SYCP2: variants seen among roughly 807,000 people sequenced by gnomAD.
SYCP2 encodes the protein synaptonemal complex lateral element protein.
A neutral mutation model predicts 211.3 loss-of-function variants in SYCP2; 55 were observed. That is an observed-to-expected ratio of 0.26 (90% CI 0.21 to 0.33). The LOEUF is 0.33. Ranked by LOEUF, SYCP2 falls within the 10% of genes least tolerant of loss-of-function variation. SYCP2 has a pLI of 1.00. For synonymous variants in SYCP2, 570 were observed against 555.2 expected, an observed-to-expected ratio of 1.03 and a Z score of -0.37; for missense variants, 1,731 against 1,752.0, an observed-to-expected ratio of 0.99 and a Z score of 0.21.
In SYCP2 at chr20:59,900,161, T is replaced by C. The variant is rs766430763; in HGVS notation, c.1381A>G (p.Asn461Asp). 7 of 1,613,252 alleles carry C rather than the reference T, an allele frequency of 4.3e-6. No individual in the cohort carries two copies. In the South Asian group the frequency reaches 5.5e-5, roughly 13 times the overall value. The change falls in exon 18 of 45, where the codon AAT (asparagine) becomes GAT (aspartate). Residue 461 changes from asparagine (N) to aspartate (D), a missense_variant. By Grantham distance (23) the Asn-to-Asp change is conservative. Coordinates refer to ENST00000357552, the MANE Select transcript of SYCP2 (RefSeq NM_014258.4). ...SKYIKNSDKG[N>D]RNNSQLEKTT... is the part of the protein sequence containing the mutation. ...ACCTCAAGCTGACTATTATTTCTAT[T>C]CCCTTTGTCACTGTTTTTGATATAT...
At position 59,921,301 on chromosome 20, in the gene SYCP2, A is replaced by C; in HGVS notation, c.168+9T>G. ...TTGTAACAATCATTCAGCAAAAATG[A>C]ATATTTACCCTGCATATAAGGTTGT... On this transcript the variant is annotated intron_variant, in intron 4 of 44. Coordinates refer to ENST00000357552, the MANE Select transcript of SYCP2 (RefSeq NM_014258.4). The C allele has an allele frequency of 6.3e-7, 1 of 1,579,698 alleles. No homozygotes were observed. The highest frequency in any genetic ancestry group is 1.7e-4 in the Middle Eastern group (1 of 5,958).
chr20:59,879,424 G>T (rs1245910310), intron 31 of SYCP2, among the ~76,000 whole-genome samples: 1 of 151,642 alleles, frequency 6.6e-6, no homozygotes, highest in Non-Finnish European at 1.5e-5. Context: ...GGTAACTACT[G>T]GTTATTTTTA....
intron 14 of SYCP2, among the ~76,000 whole-genome samples, chr20:59,907,996 C>T (rs973227778): frequency 2.0e-5 from 3 of 152,238 alleles, no homozygotes; most frequent in Admixed American, 1.3e-4. Context: ...CCTGTAATCC[C>T]GGGACTTTGG....
At chr20:59,867,597 G>T in intron 39 of SYCP2, 114 bp downstream of exon 39, 1 of 844,608 alleles carries the variant, frequency 1.2e-6, no homozygotes, top group Non-Finnish European at 1.8e-6. Context: ...AGGAAAGTTG[G>T]TTTCATGAAT....
chr20:59,880,143 T>C (rs2059648076), intron 31 of SYCP2, among the ~76,000 whole-genome samples, 160 bp downstream of exon 31: 1 of 151,408 alleles, frequency 6.6e-6, no homozygotes, highest in Non-Finnish European at 1.5e-5. Context: ...ACCGTATTAC[T>C]AAAATAAAAC....
intron 2 of SYCP2, among the ~76,000 whole-genome samples, chr20:59,931,532 G>T (rs1181282741): frequency 6.6e-6 from 1 of 152,126 alleles, no homozygotes; most frequent in African/African-American, 2.4e-5. Flanking sequence ...TGTTGTGGGG[G>T]CTCCATTTAT....
At chr20:59,882,027 G>T in intron 27 of SYCP2, 25 bp from the exon 28 acceptor site, 1 of 1,609,410 alleles carries the variant, frequency 6.2e-7, no homozygotes, top group South Asian at 1.1e-5. Context: ...AGCAATATTA[G>T]CTCCACTTAA....
intron 3 of SYCP2, among the ~76,000 whole-genome samples, chr20:59,921,957 T>A (rs944717455): frequency 5.3e-5 from 8 of 151,800 alleles, no homozygotes; most frequent in Non-Finnish European, 1.0e-4. Context: ...TCCTTGCTAT[T>A]AAAGTACAAC....
At chr20:59,867,117 G>C (rs2059363626) in intron 39 of SYCP2, among the ~76,000 whole-genome samples, 1 of 67,932 alleles carries the variant, frequency 1.5e-5, no homozygotes, top group African/African-American at 5.9e-5. Context: ...GGGGGGGGGG[G>C]GGAGGGTGTT....
At chr20:59,872,504 T>C (rs2059472359) in intron 35 of SYCP2, among the ~76,000 whole-genome samples, 1 of 151,922 alleles carries the variant, frequency 6.6e-6, no homozygotes, top group Admixed American at 6.6e-5. Flanking sequence ...TGTTTTGTCA[T>C]TGTAATAATT....
At chr20:59,870,529 C>T (rs1391880412) in intron 35 of SYCP2, among the ~76,000 whole-genome samples, 1 of 151,700 alleles carries the variant, frequency 6.6e-6, no homozygotes, top group Non-Finnish European at 1.5e-5. Flanking sequence ...TAGGAGACTT[C>T]ACCCAACTTT....
chr20:59,902,829 A>G (rs772753631), intron 15 of SYCP2, among the ~76,000 whole-genome samples: 2 of 152,174 alleles, frequency 1.3e-5, no homozygotes, highest in Non-Finnish European at 2.9e-5. Context: ...TAGTTTTTTA[A>G]AAGTTAAACA....
Position 59,864,126 on chromosome 20 carries a change from G to C in SYCP2, c.*185C>G. The stretch of plus-strand genomic sequence containing the variant: ...GTATAGACAGAAGTCTTCTGGGCTT[G>C]GACTCATGTTATAGTGGTTCCCTCT... On this transcript the variant is annotated 3_prime_UTR_variant, in exon 45 of 45. Transcript: ENST00000357552. The C allele has an allele frequency of 2.5e-6, 1 of 403,608 alleles. No homozygotes were observed. The highest frequency in any genetic ancestry group is 4.5e-6 in the Non-Finnish European group (1 of 222,698). 25.0% of individuals were successfully genotyped at this position (403,608 alleles called of 1,614,324 possible).
Position 59,915,456 on chromosome 20 carries a change from G to T in SYCP2, c.599+9C>A. ...TAAGAATAAAAACCATATAAGTACAGATTATTACATGAGAATTAACATTTC... is the reference window on the plus strand; with the variant it reads ...TAAGAATAAAAACCATATAAGTACATATTATTACATGAGAATTAACATTTC... On this transcript the variant is annotated intron_variant, in intron 9 of 44. Transcript: ENST00000357552. 5.8e-6 allele frequency: 9 copies of T among 1,549,272 alleles called. No individual in the cohort carries two copies. The highest frequency in any genetic ancestry group is 8.0e-6 in the Non-Finnish European group (9 of 1,122,518).
chr20:59,875,874 T>C (rs941884002), intron 33 of SYCP2, among the ~76,000 whole-genome samples: 2 of 151,998 alleles, frequency 1.3e-5, no homozygotes, highest in African/African-American at 4.8e-5. Flanking sequence ...GCACAGGTCT[T>C]TTTTGGGAGT....
At chr20:59,873,109 A>C (rs191761448) in intron 35 of SYCP2, among the ~76,000 whole-genome samples, 6 of 152,186 alleles carry the variant, frequency 3.9e-5, no homozygotes, top group Admixed American at 1.3e-4. Context: ...TACTATGCAC[A>C]GATTTCTTTT....
intron 2 of SYCP2, among the ~76,000 whole-genome samples, chr20:59,930,488 C>T (rs2060718140): frequency 6.6e-6 from 1 of 152,212 alleles, no homozygotes; most frequent in Non-Finnish European, 1.5e-5. Context: ...TTAACAGTGC[C>T]AAATGCCCAT....
At chr20:59,866,129 T>G (rs1174410197) in intron 41 of SYCP2, among the ~76,000 whole-genome samples, 164 bp downstream of exon 41, 2 of 151,846 alleles carry the variant, frequency 1.3e-5, no homozygotes, top group African/African-American at 2.4e-5. Flanking sequence ...AAGTTCGTAC[T>G]TCAAAAGTGT....
chr20:59,922,296 T>C, intron 3 of SYCP2, 94 bp downstream of exon 3: 2 of 1,122,842 alleles, frequency 1.8e-6, no homozygotes, highest in Non-Finnish European at 1.3e-6. Context: ...ATGTAAGCTT[T>C]ATCATTGCTA....
Sources: allele counts gnomAD v4.1 joint callset (sites outside exome capture counted in the v4.1 genomes callset), GRCh38; gene constraint gnomAD v4.1.1; transcripts MANE v1.5; gene names NCBI Gene and HGNC (gene_info 2026-07-23, HGNC 2026-07-21).